Variants in GPSM2 observed in about 807,000 individuals in gnomAD.
GPSM2 encodes G protein signaling modulator 2.
In GPSM2, 58 loss-of-function variants were observed where a neutral mutation model predicts 78.4. The ratio of observed to expected loss-of-function variants is 0.74; its 90% confidence interval spans 0.60 to 0.92. The LOEUF (loss-of-function observed/expected upper bound fraction) is 0.92, where lower values mean the gene tolerates loss of function less well. Among genes scored for constraint, GPSM2 ranks in the 40% least tolerant of loss-of-function variants. The probability of loss-of-function intolerance (pLI) is 0.00; values close to 1 mark genes in which losing one functional copy is unlikely to be tolerated. For missense variants in GPSM2, 700 were observed against 815.5 expected, an observed-to-expected ratio of 0.86 and a Z score of 1.73; for synonymous variants, 224 against 280.2, an observed-to-expected ratio of 0.80 and a Z score of 2.00.
Position 108,931,834 on chromosome 1 carries a change from C to CA in GPSM2, c.*1897dup, listed in dbSNP as rs1348865603. ...TTTTGTATTATTTGTACACAAAGTACAAATTTGTATTTGTACACAAAGTAC... is the reference window on the plus strand; with the variant it reads ...TTTTGTATTATTTGTACACAAAGTACAAAATTTGTATTTGTACACAAAGTAC... On this transcript the variant is annotated 3_prime_UTR_variant, in exon 15 of 15. Transcript: ENST00000264126. 2 of 170,430 alleles carry CA rather than the reference C, an allele frequency of 1.2e-5. No individual in the cohort carries two copies. The highest frequency in any genetic ancestry group is 2.5e-5 in the Non-Finnish European group (2 of 79,742). The allele number at this position is 170,430 out of a possible 1,614,324, so 10.6% of individuals were successfully genotyped here.
rs761238838 is a variant in GPSM2 at position 108,929,906 on chromosome 1, T to C, written c.2021T>C (p.Phe674Ser). The C allele has an allele frequency of 1.2e-6, 2 of 1,613,744 alleles. No homozygotes were observed. Residue 674 changes from phenylalanine to serine, a missense_variant, in exon 15 of 15, where the codon TTT becomes TCT. Physicochemically the swap from Phe to Ser is radical, Grantham distance 155. Coordinates refer to ENST00000264126, the MANE Select transcript of GPSM2 (RefSeq NM_013296.5). Reference sequence around the variant, plus strand: ...TTGCAAAATAATGCTTTGTTGGAGTTTAAAAATTCAGGGAAAAAATCGGCA... The same window carrying C: ...TTGCAAAATAATGCTTTGTTGGAGTCTAAAAATTCAGGGAAAAAATCGGCA... Reference protein sequence around the residue: ...DFLQNNALLEFKNSGKKSADH With the variant: ...DFLQNNALLESKNSGKKSADH
chr1:108,904,741 CTCTT>C (rs1649093911), intron 10 of GPSM2, among the ~76,000 whole-genome samples: 1 of 151,736 alleles, frequency 6.6e-6, no homozygotes, highest in Non-Finnish European at 1.5e-5. Context: ...CTAAGATACT[CTCTT>C]TATTTTTCTT....
intron 7 of GPSM2, among the ~76,000 whole-genome samples, chr1:108,900,942 G>A (rs1323112479): frequency 6.6e-6 from 1 of 152,138 alleles, no homozygotes; most frequent in African/African-American, 2.4e-5. Context: ...CAGAAATAAT[G>A]GGAGGGTCAT....
chr1:108,903,076 A>C lies in GPSM2; in HGVS notation c.954-50A>C. 3 of 1,081,606 alleles carry C rather than the reference A, an allele frequency of 2.8e-6. No individual in the cohort carries two copies. In the South Asian group the frequency reaches 3.8e-5, roughly 14 times the overall value. 67.0% of individuals were successfully genotyped at this position (1,081,606 alleles called of 1,614,324 possible). A position where few individuals can be genotyped will look rare whatever the true frequency, so the allele number is the denominator to read the frequency against. ...CTGCTAGATAGCTTTTATTCTATAC[A>C]TAGGACCTCTTTTCAAATAACTGCA... On this transcript the variant is annotated intron_variant, in intron 8 of 14. Transcript: ENST00000264126.
At chr1:108,923,705 C>T (rs973277313) in intron 13 of GPSM2, among the ~76,000 whole-genome samples, 1 of 152,166 alleles carries the variant, frequency 6.6e-6, no homozygotes, top group African/African-American at 2.4e-5. Context: ...GAAATCTAGT[C>T]ACATATCTTA....
intron 1 of GPSM2, among the ~76,000 whole-genome samples, chr1:108,879,573 G>A (rs1442960399): frequency 6.6e-6 from 1 of 152,198 alleles, no homozygotes; most frequent in South Asian, 2.1e-4. Flanking sequence ...GGTGGCTCAC[G>A]CCTGTAATCC....
At chr1:108,893,214 A>G (rs1302344269) in intron 2 of GPSM2, among the ~76,000 whole-genome samples, 1 of 152,240 alleles carries the variant, frequency 6.6e-6, no homozygotes, top group Non-Finnish European at 1.5e-5. Flanking sequence ...TTTGAAGAAG[A>G]TACTTCTCAG....
At position 108,903,179 on chromosome 1, in the gene GPSM2, G is replaced by A. The variant is rs1300046684; in HGVS notation, c.1007G>A (p.Gly336Glu). 2 of 1,611,996 alleles carry A rather than the reference G, an allele frequency of 1.2e-6. No individual in the cohort carries two copies. Among genetic ancestry groups the A allele is most frequent in the South Asian group, 1.1e-5 (1 of 91,028 alleles). ...TTAGGAAATGCATACACAGCACTAG[G>A]AAATCATGATCAAGCAATGCATTTT... ...WSLGNAYTAL[G>E]NHDQAMHFAE... is the part of the protein sequence containing the mutation. Residue 336 changes from glycine to glutamate, a missense_variant, in exon 9 of 15, where the codon GGA becomes GAA. Transcript: ENST00000264126.
intron 2 of GPSM2, 95 bp downstream of exon 2, chr1:108,885,673 C>T: frequency 1.3e-6 from 1 of 794,088 alleles, no homozygotes; most frequent in Non-Finnish European, 2.3e-6. Context: ...TGAAAATACT[C>T]AAATATACCA....
intron 11 of GPSM2, among the ~76,000 whole-genome samples, chr1:108,917,349 C>T (rs974865723): frequency 1.3e-5 from 2 of 151,552 alleles, no homozygotes; most frequent in East Asian, 2.0e-4. Context: ...GGGTGGATCA[C>T]GAGGTCAAGA....
At chr1:108,907,071 T>C (rs1649293199) in intron 10 of GPSM2, among the ~76,000 whole-genome samples, 1 of 152,206 alleles carries the variant, frequency 6.6e-6, no homozygotes, top group African/African-American at 2.4e-5. Flanking sequence ...CTATGTAATC[T>C]GAACCTATCT....
At chr1:108,928,999 A>G (rs1557883480) in intron 14 of GPSM2, among the ~76,000 whole-genome samples, 2 of 147,044 alleles carry the variant, frequency 1.4e-5, no homozygotes, top group African/African-American at 4.9e-5. Flanking sequence ...AAAAAAAAAA[A>G]AAAAAAAATT....
chr1:108,922,483 A>G lies in GPSM2; in HGVS notation c.1507A>G (p.Arg503Gly). The change falls in exon 13 of 15, where the codon AGG becomes GGG. Residue 503 changes from arginine (R) to glycine (G), a missense_variant. By Grantham distance (125) the Arg-to-Gly change is moderately radical. Coordinates refer to ENST00000264126, the MANE Select transcript of GPSM2 (RefSeq NM_013296.5). Reference sequence around the variant, plus strand: ...CTTATTAAGCCGATTTCAAAGCAATAGGATGGATGATCAGAGATGTTGCTT... The same window carrying G: ...CTTATTAAGCCGATTTCAAAGCAATGGGATGGATGATCAGAGATGTTGCTT... ...FDLLSRFQSN[R>G]MDDQRCCLQE... 1 of 1,611,660 alleles carries G rather than the reference A, an allele frequency of 6.2e-7. No individual in the cohort carries two copies. The highest frequency in any genetic ancestry group is 1.3e-5 in the African/African-American group (1 of 75,010).
intron 11 of GPSM2, among the ~76,000 whole-genome samples, chr1:108,917,196 T>G (rs1410388634): frequency 6.6e-6 from 1 of 152,168 alleles, no homozygotes; most frequent in Non-Finnish European, 1.5e-5. Context: ...AAATCCACTG[T>G]AGTAAATAAT....
chr1:108,929,422 G>A (rs368012261), intron 14 of GPSM2: 5 of 432,840 alleles, frequency 1.2e-5, no homozygotes, highest in Non-Finnish European at 2.1e-5. Flanking sequence ...AATTAAAACA[G>A]TATGACTTAA....
At chr1:108,889,820 G>T (rs1165022726) in intron 2 of GPSM2, among the ~76,000 whole-genome samples, 1 of 152,072 alleles carries the variant, frequency 6.6e-6, no homozygotes, top group Non-Finnish European at 1.5e-5. Context: ...ACCTAGGGTG[G>T]CTCCTAGTCA....
In GPSM2 at chr1:108,931,308, C is replaced by G; in HGVS notation, c.*1368C>G. 1 of 1,542,308 alleles carries G rather than the reference C, an allele frequency of 6.5e-7. No individual in the cohort carries two copies. Among genetic ancestry groups the G allele is most frequent in the Non-Finnish European group, 8.8e-7 (1 of 1,142,044 alleles). The stretch of plus-strand genomic sequence containing the variant: ...TGTCATTAAGCTTTGTCTTCCTTAT[C>G]CCAGATATTGAAGGCAGTTTACAAG... On this transcript the variant is annotated 3_prime_UTR_variant, in exon 15 of 15. Coordinates refer to ENST00000264126, the MANE Select transcript of GPSM2 (RefSeq NM_013296.5).
At chr1:108,900,616 T>C (rs1307794671) in intron 7 of GPSM2, among the ~76,000 whole-genome samples, 1 of 152,236 alleles carries the variant, frequency 6.6e-6, no homozygotes, top group Non-Finnish European at 1.5e-5. Context: ...AGTAGTTTGG[T>C]AAACCTATGT....
At position 108,890,748 on chromosome 1, in the gene GPSM2, A is replaced by G. The variant is rs75461738; in HGVS notation, c.56+5170A>G. ...TCCCTGGAGGAGTTTCTGTGGCACA[A>G]TGAATTTGTAATTTTGAATGGAATG... On this transcript the variant is annotated intron_variant, in intron 2 of 14. Coordinates refer to ENST00000264126, the MANE Select transcript of GPSM2 (RefSeq NM_013296.5). Among the ~76,000 whole-genome samples, 593 of 152,304 alleles carry G rather than the reference A, an allele frequency of 3.9e-3. 9 individuals are homozygous for G. Among genetic ancestry groups the G allele is most frequent in the African/African-American group, 0.013 (556 of 41,568 alleles).
Sources: allele counts gnomAD v4.1 joint callset (sites outside exome capture counted in the v4.1 genomes callset), GRCh38; gene constraint gnomAD v4.1.1; transcripts MANE v1.5; gene names NCBI Gene and HGNC (gene_info 2026-07-23, HGNC 2026-07-21).